Variants in SHISA9 observed in about 807,000 individuals in gnomAD.
SHISA9 encodes shisa family member 9.
SHISA9 carries 13 observed loss-of-function variants against 38.0 expected under a neutral mutation model. That is an observed-to-expected ratio of 0.34 (90% CI 0.22 to 0.54). The LOEUF (loss-of-function observed/expected upper bound fraction) is 0.54. Ranked by LOEUF, SHISA9 falls within the 20% of genes least tolerant of loss-of-function variation. SHISA9 has a pLI of 0.91. For missense variants in SHISA9, 538 were observed against 575.8 expected, an observed-to-expected ratio of 0.93 and a Z score of 0.67; for synonymous variants, 275 against 242.0, an observed-to-expected ratio of 1.14 and a Z score of -1.27.
At chr16:13,521,130 G>A in the SHISA9 span, among the ~76,000 whole-genome samples, 2 of 152,136 alleles carry the variant, frequency 1.3e-5, no homozygotes, top group African/African-American at 4.8e-5. Context: ...CAGGTTAGGT[G>A]TGATCATTCT....
intron 2 of SHISA9, among the ~76,000 whole-genome samples, chr16:13,163,273 G>A (rs771590368): frequency 6.6e-6 from 1 of 152,168 alleles, no homozygotes; most frequent in Non-Finnish European, 1.5e-5. Context: ...AGTCTCAAAT[G>A]TCTTTTAAAA....
the SHISA9 span, among the ~76,000 whole-genome samples, chr16:13,377,381 A>G: frequency 5.3e-5 from 8 of 152,190 alleles, no homozygotes; most frequent in African/African-American, 1.7e-4. Context: ...CCAGATGCCA[A>G]TCATTCATTT....
At chr16:13,138,476 A>T (rs1235569831) in intron 2 of SHISA9, among the ~76,000 whole-genome samples, 2 of 152,176 alleles carry the variant, frequency 1.3e-5, no homozygotes, top group African/African-American at 4.8e-5. Context: ...ATCACTGTAG[A>T]TTCATCTCCT....
At chr16:13,195,090 C>T (rs1445680573) in intron 2 of SHISA9, among the ~76,000 whole-genome samples, 2 of 152,146 alleles carry the variant, frequency 1.3e-5, no homozygotes, top group Admixed American at 6.5e-5. Flanking sequence ...AATTCCCTTA[C>T]CTTGTCAGCA....
At chr16:13,380,239 ATT>A in the SHISA9 span, among the ~76,000 whole-genome samples, 1 of 152,222 alleles carries the variant, frequency 6.6e-6, no homozygotes, top group African/African-American at 2.4e-5. Flanking sequence ...TTTGAAAAAT[ATT>A]ATTTTTCGTA....
the SHISA9 span, among the ~76,000 whole-genome samples, chr16:13,420,186 C>T: frequency 7.6e-6 from 1 of 130,772 alleles, no homozygotes; most frequent in Non-Finnish European, 1.5e-5. Flanking sequence ...GGGGAGGTTG[C>T]CCTGAGCGGA....
chr16:12,991,402 A>G (rs1174594700), intron 2 of SHISA9, among the ~76,000 whole-genome samples: 1 of 152,184 alleles, frequency 6.6e-6, no homozygotes, highest in African/African-American at 2.4e-5. Flanking sequence ...TGTCAGATAT[A>G]GAGAGGTCAT....
At chr16:12,961,772 A>T (rs114812915) in intron 2 of SHISA9, among the ~76,000 whole-genome samples, 1 of 151,928 alleles carries the variant, frequency 6.6e-6, no homozygotes, top group South Asian at 2.1e-4. Context: ...TTTCCCTCCA[A>T]TCAGCTCTCT....
chr16:13,049,190 G>GTGTGTGTGTT (rs2073222627), intron 2 of SHISA9, among the ~76,000 whole-genome samples: 4 of 139,216 alleles, frequency 2.9e-5, no homozygotes, highest in African/African-American at 1.3e-4. Context: ...GTGTGTGTGT[G>GTGTGTGTGTT]TGTGTGTGTG....
chr16:13,369,338 A>G, the SHISA9 span, among the ~76,000 whole-genome samples: 1 of 152,134 alleles, frequency 6.6e-6, no homozygotes, highest in Non-Finnish European at 1.5e-5. Context: ...AAACATTAAC[A>G]TGTGTTCAGT....
chr16:13,356,473 A>G, the SHISA9 span, among the ~76,000 whole-genome samples: 1 of 152,166 alleles, frequency 6.6e-6, no homozygotes, highest in Non-Finnish European at 1.5e-5. Flanking sequence ...TTTTAAGAGT[A>G]AATTGCTGGG....
intron 2 of SHISA9, among the ~76,000 whole-genome samples, chr16:12,978,703 T>A (rs2072199543): frequency 6.6e-6 from 1 of 152,198 alleles, no homozygotes; most frequent in South Asian, 2.1e-4. Flanking sequence ...CGTAGACCAT[T>A]TGGTTTCTGT....
At position 13,115,388 on chromosome 16, in the gene SHISA9, A is replaced by G. The variant is rs2074021991; in HGVS notation, c.692-88006A>G. On this transcript the variant is annotated intron_variant, in intron 2 of 4. Transcript: ENST00000558583. ...TTATCATTGTTTCTATAGATGTTAA[A>G]TTAACTAAAAGTATCCCTTAAGGGA... Among the ~76,000 whole-genome samples the G allele has an allele frequency of 2.0e-5, 3 of 152,256 alleles. No individual in the cohort carries two copies. In the South Asian group the frequency reaches 6.2e-4, roughly 32 times the overall value.
intron 2 of SHISA9, among the ~76,000 whole-genome samples, chr16:13,116,877 A>G (rs2074035481): frequency 6.6e-6 from 1 of 152,228 alleles, no homozygotes; most frequent in South Asian, 2.1e-4. Context: ...ACACTTATTA[A>G]TATAGGTTAG....
At chr16:13,206,769 C>G (rs992585738) in intron 3 of SHISA9, among the ~76,000 whole-genome samples, 5 of 152,240 alleles carry the variant, frequency 3.3e-5, no homozygotes, top group African/African-American at 1.2e-4. Context: ...ATGCCCAGCT[C>G]AACCCTCGTT....
chr16:13,254,397 C>A, the SHISA9 span, among the ~76,000 whole-genome samples: 25 of 152,184 alleles, frequency 1.6e-4, no homozygotes, highest in Non-Finnish European at 5.9e-5. Flanking sequence ...TCCAGCATGA[C>A]CATCAGTTCC....
At chr16:12,949,958 ATTTACTGC>A (rs1452163158) in intron 2 of SHISA9, among the ~76,000 whole-genome samples, 2 of 152,166 alleles carry the variant, frequency 1.3e-5, no homozygotes, top group African/African-American at 4.8e-5. Context: ...GAACAGTAGA[ATTTACTGC>A]TTCTATCTAG....
At chr16:13,248,425 T>A in the SHISA9 span, among the ~76,000 whole-genome samples, 4 of 152,052 alleles carry the variant, frequency 2.6e-5, no homozygotes, top group African/African-American at 4.8e-5. Context: ...GCAAGCACCA[T>A]AAAGAAATAA....
chr16:13,530,358 A>G, the SHISA9 span, among the ~76,000 whole-genome samples: 1 of 152,158 alleles, frequency 6.6e-6, no homozygotes, highest in African/African-American at 2.4e-5. Flanking sequence ...GTCCTTAGGG[A>G]GATTACTTGA....
Sources: gnomAD v4.1 joint callset for allele counts (sites outside exome capture counted in the v4.1 genomes callset) on GRCh38, gnomAD v4.1.1 for gene constraint, MANE v1.5 for transcripts, NCBI Gene and HGNC (gene_info 2026-07-23, HGNC 2026-07-21) for gene names.